The following ACOT12 variants were observed in gnomAD, a reference collection of about 807,000 sequenced individuals.
ACOT12 encodes the protein acyl-CoA thioesterase 12, also known as acetyl-coenzyme A thioesterase.
A neutral mutation model predicts 67.7 loss-of-function variants in ACOT12; 51 were observed. The ratio of observed to expected loss-of-function variants is 0.75; its 90% CI spans 0.60 to 0.95. The LOEUF (loss-of-function observed/expected upper bound fraction) is 0.95, where lower values mean the gene tolerates loss of function less well. Ranked by LOEUF, ACOT12 falls within the 40% of genes least tolerant of loss-of-function variation. ACOT12 has a pLI of 0.00. For missense variants in ACOT12, 734 were observed against 708.1 expected (o/e 1.04, Z -0.41); for synonymous variants, 251 against 244.6 (o/e 1.03, Z -0.24).
the ACOT12 span, among the ~76,000 whole-genome samples, chr5:81,320,418 AG>A: frequency 1.3e-5 from 2 of 152,228 alleles, no homozygotes; most frequent in Non-Finnish European, 2.9e-5. Flanking sequence ...GAAGACAGGA[AG>A]AAAACTTGTT....
chr5:81,377,641 G>T (rs1340317975), intron 2 of ACOT12, among the ~76,000 whole-genome samples: 1 of 152,174 alleles, frequency 6.6e-6, no homozygotes, highest in African/African-American at 2.4e-5. Context: ...CTTCAGCAAA[G>T]TCTCAAGATA....
intron 5 of ACOT12, among the ~76,000 whole-genome samples, chr5:81,357,527 C>T (rs1036444467): frequency 6.6e-6 from 1 of 151,998 alleles, no homozygotes; most frequent in Non-Finnish European, 1.5e-5. Context: ...TGCACCGGGG[C>T]AAACTGGCCA....
rs117321145 is a variant in ACOT12, at chr5:81,352,295, T to C, written c.497-4365A>G. ...AAAGGAAATCAGGATACTGAAGAGA[T>C]ATATGCATTCCCATGTTTGTTGCAG... On this transcript the variant is annotated intron_variant, in intron 5 of 14. Coordinates refer to ENST00000307624, the MANE Select transcript of ACOT12 (RefSeq NM_130767.3). Among the ~76,000 whole-genome samples the C allele has an allele frequency of 4.6e-4, 70 of 152,314 alleles. No homozygotes were observed. In the East Asian group the frequency reaches 0.012, roughly 26 times the overall value.
chr5:81,373,577 G>A (rs570747488), intron 2 of ACOT12, among the ~76,000 whole-genome samples: 261 of 152,302 alleles, frequency 1.7e-3, no homozygotes, highest in African/African-American at 5.9e-3. Flanking sequence ...CTGGCTTGGC[G>A]GGTCCCACGC....
At chr5:81,318,500 C>G in the ACOT12 span, among the ~76,000 whole-genome samples, 1 of 151,992 alleles carries the variant, frequency 6.6e-6, no homozygotes, top group Non-Finnish European at 1.5e-5. Context: ...TTTATTTTCT[C>G]TTGTTTATTT....
At chr5:81,391,616 T>C (rs749537506) in intron 1 of ACOT12, among the ~76,000 whole-genome samples, 1 of 152,164 alleles carries the variant, frequency 6.6e-6, no homozygotes, top group Non-Finnish European at 1.5e-5. Flanking sequence ...GAACAAAACA[T>C]ATGACATGAT....
At chr5:81,369,312 A>G (rs183146059) in intron 3 of ACOT12, among the ~76,000 whole-genome samples, 68 of 152,344 alleles carry the variant, frequency 4.5e-4, no homozygotes, top group Admixed American at 3.3e-3. Context: ...TTTGGCACAG[A>G]GCAGAGTTCC....
the ACOT12 span, among the ~76,000 whole-genome samples, chr5:81,310,661 T>C: frequency 6.6e-6 from 1 of 152,228 alleles, no homozygotes; most frequent in African/African-American, 2.4e-5. Context: ...TTGTTTAAAG[T>C]AGGCAGGTGG....
At chr5:81,341,069 T>C (rs1166220478) in intron 11 of ACOT12, among the ~76,000 whole-genome samples, 2 of 152,234 alleles carry the variant, frequency 1.3e-5, no homozygotes, top group East Asian at 3.8e-4. Context: ...TTCAGTTCAT[T>C]CCAGACATGA....
At chr5:81,351,110 A>G (rs1759539474) in intron 5 of ACOT12, among the ~76,000 whole-genome samples, 1 of 152,250 alleles carries the variant, frequency 6.6e-6, no homozygotes, top group Non-Finnish European at 1.5e-5. Flanking sequence ...GGTTTTACCC[A>G]ACAATGAATC....
At chr5:81,388,104 A>T (rs539663310) in intron 1 of ACOT12, among the ~76,000 whole-genome samples, 1 of 152,294 alleles carries the variant, frequency 6.6e-6, no homozygotes, top group South Asian at 2.1e-4. Context: ...TAAATAAGAA[A>T]ATTTAGGCTT....
At chr5:81,323,875 T>TGTATATATGTATACATATATAC in the ACOT12 span, among the ~76,000 whole-genome samples, 1 of 142,732 alleles carries the variant, frequency 7.0e-6, no homozygotes, top group Non-Finnish European at 1.6e-5. Context: ...TGTATATATG[T>TGTATATATGTATACATATATAC]GTATATATGT....
chr5:81,340,183 G>A (rs7446383), intron 11 of ACOT12, among the ~76,000 whole-genome samples: 6,600 of 151,480 alleles, frequency 0.044, 444 homozygotes, highest in African/African-American at 0.15. Flanking sequence ...GATTACAGGT[G>A]CCCGCCATGA....
intron 2 of ACOT12, among the ~76,000 whole-genome samples, chr5:81,383,117 G>A (rs757598766): frequency 5.5e-4 from 83 of 152,206 alleles, no homozygotes; most frequent in Admixed American, 3.0e-3. Context: ...CTCACCAGCC[G>A]GGCGTGGTGG....
chr5:81,331,016 C>T (rs1758804780), intron 13 of ACOT12, 76 bp from the exon 14 acceptor site: 5 of 1,446,328 alleles, frequency 3.5e-6, no homozygotes, highest in Non-Finnish European at 4.6e-6. Context: ...ATAGTTAACC[C>T]AATTTACTTA....
chr5:81,326,052 G>T (rs1316883131), downstream of ACOT12, among the ~76,000 whole-genome samples: 1 of 150,426 alleles, frequency 6.6e-6, no homozygotes, highest in Admixed American at 6.6e-5. Context: ...AGTGATCCAT[G>T]TGCCTCAGCC....
the ACOT12 span, chr5:81,311,425 C>T: frequency 1.2e-5 from 10 of 855,552 alleles, no homozygotes; most frequent in East Asian, 2.2e-4. Context: ...TAATCTCTGT[C>T]AGCAATAGAC....
the ACOT12 span, among the ~76,000 whole-genome samples, chr5:81,321,758 G>A: frequency 6.6e-6 from 1 of 152,182 alleles, no homozygotes; most frequent in South Asian, 2.1e-4. Context: ...ACCAGCCTGG[G>A]CAACATGGTG....
the ACOT12 span, among the ~76,000 whole-genome samples, chr5:81,317,648 T>G: frequency 1.8e-3 from 274 of 152,026 alleles, 2 homozygotes; most frequent in African/African-American, 6.4e-3. Flanking sequence ...GCAGGAGAGA[T>G]AGAGTGAAGG....
Sources: allele counts gnomAD v4.1 joint callset (sites outside exome capture counted in the v4.1 genomes callset), GRCh38; gene constraint gnomAD v4.1.1; transcripts MANE v1.5; gene names NCBI Gene and HGNC (gene_info 2026-07-23, HGNC 2026-07-21).